Variants in DNALI1 observed in about 807,000 individuals in gnomAD.
The protein encoded by DNALI1 is axonemal dynein light intermediate polypeptide 1.
In DNALI1, 31 loss-of-function variants were observed where a neutral mutation model predicts 33.9. The observed-to-expected ratio is 0.91, with a 90% CI of 0.69 to 1.23. The LOEUF (loss-of-function observed/expected upper bound fraction) is 1.23, where lower values mean the gene tolerates loss of function less well. Among genes scored for constraint, DNALI1 ranks in the 50% most tolerant of loss-of-function variants. The pLI is 0.00. For synonymous variants in DNALI1, 117 were observed against 129.2 expected (o/e 0.91, Z 0.64); for missense variants, 305 against 323.8 (o/e 0.94, Z 0.44).
chr1:37,558,967 CTG>C (rs1220286014), intron 2 of DNALI1, among the ~76,000 whole-genome samples: 2 of 152,228 alleles, frequency 1.3e-5, no homozygotes, highest in South Asian at 4.1e-4. Context: ...TCATGATGTC[CTG>C]TGTTTCCCAC....
rs1643501604 is a variant in DNALI1 at position 37,566,416 on chromosome 1, A to C, written c.*1355A>C. On this transcript the variant is annotated 3_prime_UTR_variant, in exon 6 of 6. Transcript: ENST00000652629. ...TACTTCACAGACTCAATGAGGCAGA[A>C]ATTATTGTAGTTTTCTCCTATTTCT... 1 of 156,092 alleles carries C rather than the reference A, an allele frequency of 6.4e-6. No homozygotes were observed. The highest frequency in any genetic ancestry group is 1.4e-5 in the Non-Finnish European group (1 of 70,810). 9.7% of individuals were successfully genotyped at this position (156,092 alleles called of 1,614,324 possible). A position where few individuals can be genotyped will look rare whatever the true frequency, so the allele number is the denominator to read the frequency against.
At position 37,565,071 on chromosome 1, in the gene DNALI1, C is replaced by T. The variant is rs1463025756; in HGVS notation, c.*10C>T. The T allele has an allele frequency of 1.2e-6, 2 of 1,614,020 alleles. No individual in the cohort carries two copies. The highest frequency in any genetic ancestry group is 1.7e-6 in the Non-Finnish European group (2 of 1,179,992). ...TGCACCAAAGAAGTGATAATTTCCA[C>T]ATGATTAATTTCCAACAAGACACTT... On this transcript the variant is annotated 3_prime_UTR_variant, in exon 6 of 6. Transcript: ENST00000652629.
At position 37,562,717 on chromosome 1, in the gene DNALI1, C is replaced by A. The variant is rs958481501; in HGVS notation, c.741+472C>A. On this transcript the variant is annotated intron_variant, in intron 5 of 5. Transcript: ENST00000652629. The surrounding 1 kb of genome is among the most constrained non-coding windows in gnomAD (Gnocchi z 5.8). ...AGGAAGAACCATTTCAAATCAGAAA[C>A]CTTCCCCAGAAATGTGGTCGGGGAA... 6.6e-6 allele frequency among the ~76,000 whole-genome samples: 1 copy of A among 152,160 alleles called. No homozygotes were observed. Among genetic ancestry groups the A allele is most frequent in the Non-Finnish European group, 1.5e-5 (1 of 68,032 alleles).
chr1:37,557,458 C>A (rs1446329629), intron 1 of DNALI1, 145 bp from the exon 2 acceptor site: 1 of 1,132,798 alleles, frequency 8.8e-7, no homozygotes, highest in East Asian at 2.4e-5. Context: ...AGCTCTGTGA[C>A]ATAATTTCTG....
Position 37,562,261 on chromosome 1 carries a change from G to T in DNALI1, c.741+16G>T. On this transcript the variant is annotated intron_variant, in intron 5 of 5. Transcript: ENST00000652629. The surrounding 1 kb of genome is among the most constrained non-coding windows in gnomAD (Gnocchi z 5.8). ...GCAGCTGAAGGTAATCAACGCGCAG[G>T]GTGGGGTGGAGGTGCCCCCTGCCCT... is the stretch of plus-strand genomic sequence containing the variant. 1 of 1,606,714 alleles carries T rather than the reference G, an allele frequency of 6.2e-7. No homozygotes were observed. Among genetic ancestry groups the T allele is most frequent in the African/African-American group, 1.3e-5 (1 of 74,804 alleles).
In DNALI1 at chr1:37,565,905, T is replaced by C. The variant is rs2148124746; in HGVS notation, c.*844T>C. 1 of 152,336 alleles carries C rather than the reference T, an allele frequency of 6.6e-6. No individual in the cohort carries two copies. Among genetic ancestry groups the C allele is most frequent in the Middle Eastern group, 3.4e-3 (1 of 294 alleles). The allele number at this position is 152,336 out of a possible 1,614,324, so 9.4% of individuals were successfully genotyped here. A position where few individuals can be genotyped will look rare whatever the true frequency, so the allele number is the denominator to read the frequency against. ...TGCTAGACAACTGCATTTTAGTATTTCTCTTCCATTCTCCTGGTTTTGTAG... is the reference window on the plus strand; with the variant it reads ...TGCTAGACAACTGCATTTTAGTATTCCTCTTCCATTCTCCTGGTTTTGTAG... On this transcript the variant is annotated 3_prime_UTR_variant, in exon 6 of 6. Transcript: ENST00000652629.
chr1:37,563,166 A>C (rs1643460049), intron 5 of DNALI1, among the ~76,000 whole-genome samples: 1 of 152,162 alleles, frequency 6.6e-6, no homozygotes, highest in Non-Finnish European at 1.5e-5. Context: ...GAAACCTTAC[A>C]ATCTTGACAT....
rs368402927 is a variant in DNALI1, at chr1:37,557,606, C to G, written c.85C>G (p.Arg29Gly). ...RNTEKRSPKA[R>G]LLKVSPQQPG... ...CTCACCTGTGCCTTCATCTCAGGCT[C>G]GGCTACTGAAAGTCAGCCCCCAGCA... The change falls in exon 2 of 6, where the codon CGG (arginine) becomes GGG (glycine). Residue 29 changes from arginine (R) to glycine (G), a missense_variant. Coordinates refer to ENST00000652629, the MANE Select transcript of DNALI1 (RefSeq NM_003462.5). The G allele has an allele frequency of 1.2e-6, 2 of 1,612,486 alleles. No homozygotes were observed. The highest frequency in any genetic ancestry group is 1.7e-6 in the Non-Finnish European group (2 of 1,179,354).
At chr1:37,557,123 G>A in intron 1 of DNALI1, 48 bp downstream of exon 1, 1 of 1,612,980 alleles carries the variant, frequency 6.2e-7, no homozygotes. Context: ...ACTCCGATAG[G>A]GAAAGACACA....
Position 37,565,016 on chromosome 1 carries a change from T to A in DNALI1, c.742-10T>A, listed in dbSNP as rs946292249. ...TTCAAGTATTAATGGAGCTTGTTTT[T>A]GTTTTTCAGGCCCAACTGGAAGGCA... On this transcript the variant is annotated splice_polypyrimidine_tract_variant and intron_variant, in intron 5 of 5. Transcript: ENST00000652629. 6.2e-7 allele frequency: 1 copy of A among 1,614,070 alleles called. No individual in the cohort carries two copies. The highest frequency in any genetic ancestry group is 8.5e-7 in the Non-Finnish European group (1 of 1,180,024).
At chr1:37,563,494 A>AT (rs939141017) in intron 5 of DNALI1, among the ~76,000 whole-genome samples, 1 of 151,954 alleles carries the variant, frequency 6.6e-6, no homozygotes, top group Non-Finnish European at 1.5e-5. Context: ...GCATTTTTAA[A>AT]TTTTTTTTCT....
At chr1:37,564,741 C>G (rs1218610685) in intron 5 of DNALI1, among the ~76,000 whole-genome samples, 1 of 152,158 alleles carries the variant, frequency 6.6e-6, no homozygotes, top group Non-Finnish European at 1.5e-5. Flanking sequence ...CCATGAAAAG[C>G]CCTTACAACA....
rs1643499587 is a variant in DNALI1, at chr1:37,566,301, G to A, written c.*1240G>A. The A allele has an allele frequency of 1.3e-5, 2 of 152,636 alleles. No individual in the cohort carries two copies. The highest frequency in any genetic ancestry group is 4.8e-5 in the African/African-American group (2 of 41,454). The allele number at this position is 152,636 out of a possible 1,614,324, so 9.5% of individuals were successfully genotyped here. A position where few individuals can be genotyped will look rare whatever the true frequency, so the allele number is the denominator to read the frequency against. On this transcript the variant is annotated 3_prime_UTR_variant, in exon 6 of 6. Coordinates refer to ENST00000652629, the MANE Select transcript of DNALI1 (RefSeq NM_003462.5). ...AAGCCTCCACTCAAATGACCTGCCT[G>A]TGTTGTCATTTCCATGGGAAAGAAC...
In DNALI1 at chr1:37,557,014, C is replaced by T. The variant is rs1222615822; in HGVS notation, c.20C>T (p.Ser7Phe). Residue 7 changes from serine (S) to phenylalanine (F), a missense_variant, in exon 1 of 6, where the codon TCT becomes TTT. Ser to Phe is a radical substitution (Grantham distance 155). Transcript: ENST00000652629. Reference sequence around the variant, plus strand: ...TCCGCCATGATTCCGCCCGCAGACTCTTTGCTCAAGTACGACACCCCAGTG... The same window carrying T: ...TCCGCCATGATTCCGCCCGCAGACTTTTTGCTCAAGTACGACACCCCAGTG... MIPPAD[S>F]LLKYDTPVLV... 1 of 1,614,108 alleles carries T rather than the reference C, an allele frequency of 6.2e-7. No homozygotes were observed. Among genetic ancestry groups the T allele is most frequent in the African/African-American group, 1.3e-5 (1 of 74,926 alleles).
intron 5 of DNALI1, 23 bp from the exon 6 acceptor site, chr1:37,565,003 T>A: frequency 8.1e-6 from 13 of 1,614,022 alleles, no homozygotes; most frequent in Non-Finnish European, 1.1e-5. Context: ...CAAGTATTAA[T>A]GGAGCTTGTT....
In DNALI1 at chr1:37,559,819, C is replaced by T. The variant is rs189020906; in HGVS notation, c.397+323C>T. 3.3e-5 allele frequency among the ~76,000 whole-genome samples: 5 copies of T among 152,282 alleles called. No individual in the cohort carries two copies. The highest frequency in any genetic ancestry group is 2.1e-4 in the South Asian group (1 of 4,830). On this transcript the variant is annotated intron_variant, in intron 3 of 5. Coordinates refer to ENST00000652629, the MANE Select transcript of DNALI1 (RefSeq NM_003462.5). This position sits in a 1 kb window ranked among gnomAD's most constrained non-coding sequence, Gnocchi z 5.3. Reference sequence around the variant, plus strand: ...CACTCAGCATACGGAGGACCCGCACCGGCACTGGTCTCTGAGTTTCCTCAG... The same window carrying T: ...CACTCAGCATACGGAGGACCCGCACTGGCACTGGTCTCTGAGTTTCCTCAG...
rs1643442998 is a variant in DNALI1 at position 37,561,790 on chromosome 1, C to T, written c.576+55C>T. 5 of 1,571,972 alleles carry T rather than the reference C, an allele frequency of 3.2e-6. No individual in the cohort carries two copies. The highest frequency in any genetic ancestry group is 1.8e-5 in the Admixed American group (1 of 56,420). On this transcript the variant is annotated intron_variant, in intron 4 of 5. Coordinates refer to ENST00000652629, the MANE Select transcript of DNALI1 (RefSeq NM_003462.5). The surrounding 1 kb of genome is among the most constrained non-coding windows in gnomAD (Gnocchi z 4.6). ...CCATCTCTTCTGTAAACCTCAGGGCCACATGCTTATCATTCCAGCACTACA... is the reference window on the plus strand; with the variant it reads ...CCATCTCTTCTGTAAACCTCAGGGCTACATGCTTATCATTCCAGCACTACA...
In DNALI1 at chr1:37,559,402, C is replaced by A; in HGVS notation, c.303C>A (p.His101Gln). The A allele has an allele frequency of 6.2e-7, 1 of 1,613,264 alleles. No homozygotes were observed. The highest frequency in any genetic ancestry group is 8.5e-7 in the Non-Finnish European group (1 of 1,179,892). ...STPSTRMDVV[H>Q]LQEQLDLKLQ... ...CTAGCACCAGGATGGACGTGGTGCACCTCCAGGAGCAGTTAGACTTAAAGC... is the reference window on the plus strand; with the variant it reads ...CTAGCACCAGGATGGACGTGGTGCAACTCCAGGAGCAGTTAGACTTAAAGC... Residue 101 changes from histidine to glutamine, a missense_variant, in exon 3 of 6, where the codon CAC (histidine) becomes CAA (glutamine). Coordinates refer to ENST00000652629, the MANE Select transcript of DNALI1 (RefSeq NM_003462.5). This position sits in a 1 kb window ranked among gnomAD's most constrained non-coding sequence, Gnocchi z 5.3.
At position 37,557,624 on chromosome 1, in the gene DNALI1, C is replaced by A; in HGVS notation, c.103C>A (p.Pro35Thr). 1 of 1,613,466 alleles carries A rather than the reference C, an allele frequency of 6.2e-7. No individual in the cohort carries two copies. The highest frequency in any genetic ancestry group is 8.5e-7 in the Non-Finnish European group (1 of 1,179,720). Reference protein sequence around the residue: ...SPKARLLKVSPQQPGPSGSAP... With the variant: ...SPKARLLKVSTQQPGPSGSAP... The stretch of plus-strand genomic sequence containing the variant: ...TCAGGCTCGGCTACTGAAAGTCAGC[C>A]CCCAGCAGCCTGGACCTTCAGGTTC... The change falls in exon 2 of 6, where the codon CCC becomes ACC. Residue 35 changes from proline to threonine, a missense_variant. Transcript: ENST00000652629.
Sources: allele counts gnomAD v4.1 joint callset (sites outside exome capture counted in the v4.1 genomes callset), GRCh38; gene constraint gnomAD v4.1.1; non-coding constraint Gnocchi (gnomAD v3.1); transcripts MANE v1.5; gene names NCBI Gene and HGNC (gene_info 2026-07-23, HGNC 2026-07-21).